EDIL3: variants seen among roughly 807,000 people sequenced by gnomAD.
EDIL3 encodes EGF like and discoidin domains 3.
Under a neutral mutation model 67.4 loss-of-function variants are expected in EDIL3, and 37 were observed. That is an observed-to-expected ratio of 0.55 (90% CI 0.42 to 0.72). The LOEUF (loss-of-function observed/expected upper bound fraction) is 0.72. Ranked by LOEUF, EDIL3 falls within the 30% of genes least tolerant of loss-of-function variation. The pLI is 0.00. For missense variants in EDIL3, 527 were observed against 586.3 expected (o/e 0.90, Z 1.04); for synonymous variants, 195 against 196.3 (o/e 0.99, Z 0.05).
intron 4 of EDIL3, among the ~76,000 whole-genome samples, chr5:84,151,322 C>A (rs539778507): frequency 1.3e-4 from 19 of 151,556 alleles, no homozygotes; most frequent in African/African-American, 4.4e-4. Flanking sequence ...CAATAAAAGG[C>A]CCACAGAACT....
At position 83,949,399 on chromosome 5, in the gene EDIL3, A is replaced by T. The variant is rs573553663; in HGVS notation, c.1294-5831T>A. On this transcript the variant is annotated intron_variant, in intron 10 of 10. Coordinates refer to ENST00000296591, the MANE Select transcript of EDIL3 (RefSeq NM_005711.5). ...GAGCCAAAGACAATGATAAAGTTAC[A>T]TGTCCCAGTTTGTGAAAATATAATG... Among the ~76,000 whole-genome samples, 3 of 152,032 alleles carry T rather than the reference A, an allele frequency of 2.0e-5. No homozygotes were observed. The South Asian group carries it at 6.2e-4, about 32-fold the overall frequency.
chr5:84,261,841 C>T (rs1745227552), intron 1 of EDIL3, among the ~76,000 whole-genome samples: 1 of 152,146 alleles, frequency 6.6e-6, no homozygotes, highest in Non-Finnish European at 1.5e-5. Flanking sequence ...AGATGTTATC[C>T]AGTGGTTTGC....
At chr5:84,229,405 T>C (rs1744518656) in intron 3 of EDIL3, among the ~76,000 whole-genome samples, 1 of 152,138 alleles carries the variant, frequency 6.6e-6, no homozygotes, top group Non-Finnish European at 1.5e-5. Context: ...CCCTTAAGCC[T>C]AGTGAATATG....
At chr5:84,066,755 C>G in intron 6 of EDIL3, 149 bp from the exon 7 acceptor site, 1 of 1,042,854 alleles carries the variant, frequency 9.6e-7, no homozygotes, top group African/African-American at 1.7e-5. Context: ...TTACAATAGG[C>G]ATATATTAAA....
chr5:84,189,159 T>C (rs1471758682), intron 3 of EDIL3, among the ~76,000 whole-genome samples: 2 of 151,646 alleles, frequency 1.3e-5, no homozygotes, highest in Non-Finnish European at 2.9e-5. Context: ...CGTCACAGAG[T>C]AGTGGTGGAT....
rs1030351601 is a variant in EDIL3 at position 84,106,694 on chromosome 5, T to G, written c.606A>C (p.Ile202=). The G allele has an allele frequency of 3.1e-6, 5 of 1,612,080 alleles. No homozygotes were observed. The Admixed American group carries it at 5.0e-5, about 16-fold the overall frequency. The change falls in exon 6 of 11, where the codon ATA becomes ATC. Residue 202 remains isoleucine (I), a synonymous_variant. Coordinates refer to ENST00000296591, the MANE Select transcript of EDIL3 (RefSeq NM_005711.5). The part of the protein sequence containing the change: ...YYARLNKKGL[I]NAWTAAENDR... Reference sequence around the variant, plus strand: ...CATTTTCTGCAGCTGTCCACGCATTTATAAGCCCCTTCTTATTAAGACGTG... The same window carrying G: ...CATTTTCTGCAGCTGTCCACGCATTGATAAGCCCCTTCTTATTAAGACGTG...
intron 1 of EDIL3, among the ~76,000 whole-genome samples, chr5:84,335,641 G>A (rs535983064): frequency 6.6e-6 from 1 of 152,200 alleles, no homozygotes; most frequent in Non-Finnish European, 1.5e-5. Context: ...AACCCAGCTT[G>A]TGAAATAAAT....
chr5:84,074,930 C>G (rs569863449), intron 6 of EDIL3, among the ~76,000 whole-genome samples: 2 of 152,214 alleles, frequency 1.3e-5, no homozygotes, highest in African/African-American at 4.8e-5. Flanking sequence ...TTCACAATAG[C>G]AAAGACTTGG....
intron 1 of EDIL3, among the ~76,000 whole-genome samples, chr5:84,277,839 CT>C (rs923145604): frequency 6.6e-6 from 1 of 151,878 alleles, no homozygotes; most frequent in Non-Finnish European, 1.5e-5. Context: ...AAATAAACCC[CT>C]TTTTTTGAAA....
intron 1 of EDIL3, among the ~76,000 whole-genome samples, chr5:84,287,721 A>T (rs1261545955): frequency 2.6e-5 from 4 of 152,150 alleles, no homozygotes; most frequent in Non-Finnish European, 4.4e-5. Flanking sequence ...TACTTGACCA[A>T]TGAGCAGCAT....
intron 4 of EDIL3, among the ~76,000 whole-genome samples, chr5:84,144,986 T>C (rs1748268011): frequency 1.3e-5 from 2 of 152,122 alleles, no homozygotes; most frequent in African/African-American, 4.8e-5. Context: ...ATTTGTTCAC[T>C]CATTCATTCA....
At chr5:84,233,650 G>A (rs115435052) in intron 2 of EDIL3, among the ~76,000 whole-genome samples, 2,112 of 152,146 alleles carry the variant, frequency 0.014, 51 homozygotes, top group African/African-American at 0.049. Context: ...CACAGTTATT[G>A]GCCTAGATAT....
intron 9 of EDIL3, among the ~76,000 whole-genome samples, chr5:84,042,695 T>C (rs778248530): frequency 9.9e-5 from 15 of 152,166 alleles, no homozygotes; most frequent in Non-Finnish European, 2.1e-4. Flanking sequence ...GGAGAAAATA[T>C]ATTGGATACA....
At chr5:84,054,076 CA>C (rs1371928448) in intron 9 of EDIL3, among the ~76,000 whole-genome samples, 1 of 152,102 alleles carries the variant, frequency 6.6e-6, no homozygotes, top group Non-Finnish European at 1.5e-5. Context: ...ACTGGCAAAC[CA>C]AATCCAGCAG....
chr5:84,308,631 T>A (rs1489939488), intron 1 of EDIL3, among the ~76,000 whole-genome samples: 1 of 152,154 alleles, frequency 6.6e-6, no homozygotes, highest in African/African-American at 2.4e-5. Flanking sequence ...AGGAAGTAAT[T>A]TTTAGAAATA....
intron 9 of EDIL3, among the ~76,000 whole-genome samples, chr5:84,007,513 AT>A (rs1403340749): frequency 6.6e-6 from 1 of 152,168 alleles, no homozygotes; most frequent in African/African-American, 2.4e-5. Flanking sequence ...AAACAGGTAT[AT>A]AAAAAGGTTC....
chr5:84,020,435 C>T (rs1745694249), intron 9 of EDIL3, among the ~76,000 whole-genome samples: 2 of 152,060 alleles, frequency 1.3e-5, no homozygotes, highest in African/African-American at 4.8e-5. Flanking sequence ...TAAATGGCAG[C>T]TGTTGAGATG....
chr5:83,969,050 A>G (rs569865215), intron 9 of EDIL3, among the ~76,000 whole-genome samples: 1 of 151,882 alleles, frequency 6.6e-6, no homozygotes, highest in Admixed American at 6.6e-5. Context: ...AAAAAATATT[A>G]TTGGTTACCA....
At chr5:83,950,090 TG>T (rs778061626) in intron 10 of EDIL3, among the ~76,000 whole-genome samples, 14 of 151,974 alleles carry the variant, frequency 9.2e-5, no homozygotes, top group Non-Finnish European at 1.5e-4. Flanking sequence ...CACGTAACAT[TG>T]CTGAGAGAAC....
Sources: gnomAD v4.1 joint callset for allele counts (sites outside exome capture counted in the v4.1 genomes callset) on GRCh38, gnomAD v4.1.1 for gene constraint, MANE v1.5 for transcripts, NCBI Gene and HGNC (gene_info 2026-07-23, HGNC 2026-07-21) for gene names.